NCBP3: variants seen among roughly 807,000 people sequenced by gnomAD.
NCBP3 encodes the protein nuclear cap-binding protein subunit 3.
Under a neutral mutation model 75.7 loss-of-function variants are expected in NCBP3, and 20 were observed. The observed-to-expected ratio is 0.26, with a 90% CI of 0.19 to 0.38. NCBP3 has a LOEUF of 0.38. NCBP3 is among the 10% of genes least tolerant of loss of function. The probability of loss-of-function intolerance (pLI) is 1.00; values close to 1 mark genes in which losing one functional copy is unlikely to be tolerated. For synonymous variants in NCBP3, 293 were observed against 290.5 expected (o/e 1.01, Z -0.09); for missense variants, 678 against 796.9 (o/e 0.85, Z 1.80).
intron 3 of NCBP3, among the ~76,000 whole-genome samples, chr17:3,835,337 G>A (rs1009135942): frequency 6.6e-6 from 1 of 152,254 alleles, no homozygotes; most frequent in Non-Finnish European, 1.5e-5. Flanking sequence ...GGCTGAGACA[G>A]AGACAACGGT....
At chr17:3,835,564 C>T (rs571992675) in intron 3 of NCBP3, among the ~76,000 whole-genome samples, 18 of 152,370 alleles carry the variant, frequency 1.2e-4, no homozygotes, top group Non-Finnish European at 1.3e-4. Context: ...CAGTAACTGA[C>T]GGACAGAAAT....
intron 2 of NCBP3, among the ~76,000 whole-genome samples, chr17:3,840,471 T>G (rs1437603094): frequency 2.6e-5 from 4 of 152,244 alleles, no homozygotes; most frequent in Non-Finnish European, 2.9e-5. Flanking sequence ...GAGTATCTGC[T>G]GACTGAATGA....
intron 3 of NCBP3, among the ~76,000 whole-genome samples, chr17:3,830,932 A>T (rs183382): frequency 0.013 from 1,795 of 136,782 alleles, 40 homozygotes; most frequent in African/African-American, 0.047. Flanking sequence ...TTTTTTTGAG[A>T]TGGAGTTTCA....
intron 1 of NCBP3, among the ~76,000 whole-genome samples, chr17:3,845,817 A>AC (rs2054154142): frequency 6.7e-6 from 1 of 148,448 alleles, no homozygotes; most frequent in Non-Finnish European, 1.5e-5. Flanking sequence ...CTCCGCCACC[A>AC]CCCCCCAGCC....
intron 3 of NCBP3, among the ~76,000 whole-genome samples, chr17:3,836,654 C>T: frequency 1.1e-5 from 1 of 90,286 alleles, no homozygotes; most frequent in Non-Finnish European, 2.2e-5. Flanking sequence ...CTCCGTCTCT[C>T]AAAAAAAAAA....
chr17:3,813,606 C>A (rs1003797055), intron 12 of NCBP3, among the ~76,000 whole-genome samples: 3 of 152,230 alleles, frequency 2.0e-5, no homozygotes, highest in Non-Finnish European at 4.4e-5. Flanking sequence ...ACCCTGTGTG[C>A]CAATCCATTC....
At chr17:3,837,612 T>C (rs921178057) in intron 3 of NCBP3, among the ~76,000 whole-genome samples, 11 of 150,806 alleles carry the variant, frequency 7.3e-5, no homozygotes, top group African/African-American at 2.7e-4. Context: ...CATGCACCTG[T>C]AGTCCCAGCT....
Position 3,811,276 on chromosome 17 carries a change from C to A in NCBP3, c.*1768G>T, listed in dbSNP as rs1029568021. The A allele has an allele frequency of 7.2e-5, 11 of 152,276 alleles. No individual in the cohort carries two copies. The highest frequency in any genetic ancestry group is 2.4e-4 in the African/African-American group (10 of 41,448). 9.4% of individuals were successfully genotyped at this position (152,276 alleles called of 1,614,324 possible). ...GGTGTCCGATTCTCAGGCCCCCGCA[C>A]TCCTCACTCTACCAACTCCCCAAAC... On this transcript the variant is annotated 3_prime_UTR_variant, in exon 13 of 13. Coordinates refer to ENST00000389005, the MANE Select transcript of NCBP3 (RefSeq NM_001114118.3).
At position 3,846,174 on chromosome 17, in the gene NCBP3, G is replaced by T. The variant is rs555993250; in HGVS notation, c.50C>A (p.Ala17Glu). Residue 17 changes from alanine (A) to glutamate (E), a missense_variant, in exon 1 of 13, where the codon GCG becomes GAG. By Grantham distance (107) the Ala-to-Glu change is moderately radical. Around this residue, in one of 7 missense-constraint regions of NCBP3, gnomAD observed 76 missense variants for 53.8 expected, o/e 1.41. Coordinates refer to ENST00000389005, the MANE Select transcript of NCBP3 (RefSeq NM_001114118.3). The surrounding 1 kb of genome is among the most constrained non-coding windows in gnomAD (Gnocchi z 4.6). ...LRVSVKAEAP[A>E]GPALGLPSPE... is the part of the protein sequence containing the mutation. ...GGACGGGAGCCCCAGGGCCGGCCCCGCCGGGGCCTCCGCCTTCACCGACAC... is the reference window on the plus strand; with the variant it reads ...GGACGGGAGCCCCAGGGCCGGCCCCTCCGGGGCCTCCGCCTTCACCGACAC... 4 of 1,521,898 alleles carry T rather than the reference G, an allele frequency of 2.6e-6. No homozygotes were observed. The highest frequency in any genetic ancestry group is 3.5e-6 in the Non-Finnish European group (4 of 1,135,330). The allele number at this position is 1,521,898 out of a possible 1,614,324, so 94.3% of individuals were successfully genotyped here. A position where few individuals can be genotyped will look rare whatever the true frequency, so the allele number is the denominator to read the frequency against.
chr17:3,835,814 C>T (rs571623742), intron 3 of NCBP3, among the ~76,000 whole-genome samples: 4 of 152,346 alleles, frequency 2.6e-5, no homozygotes, highest in Non-Finnish European at 5.9e-5. Flanking sequence ...GACACTGAAT[C>T]GTTCAAATGT....
chr17:3,832,137 T>C lies in NCBP3; in HGVS notation c.356-2769A>G, dbSNP rs143542030. 8.6e-3 allele frequency among the ~76,000 whole-genome samples: 942 copies of C among 109,706 alleles called. 62 individuals are homozygous for C. Among genetic ancestry groups the C allele is most frequent in the African/African-American group, 0.024 (908 of 37,412 alleles). The allele number at this position is 109,706 out of a possible 152,430, so 72.0% of individuals were successfully genotyped here. On this transcript the variant is annotated intron_variant, in intron 3 of 12. Transcript: ENST00000389005. ...AGGCAGAGGTTGCAGTAAGCCGAGATTGTGCCATTGCACTCCAGACTGGGC... is the reference window on the plus strand; with the variant it reads ...AGGCAGAGGTTGCAGTAAGCCGAGACTGTGCCATTGCACTCCAGACTGGGC...
chr17:3,831,474 G>A (rs542925562), intron 3 of NCBP3, among the ~76,000 whole-genome samples: 38 of 148,858 alleles, frequency 2.6e-4, no homozygotes, highest in African/African-American at 9.0e-4. Flanking sequence ...TTGGGAGGCC[G>A]AGGCAGGAGA....
At chr17:3,833,438 T>C (rs1351303743) in intron 3 of NCBP3, among the ~76,000 whole-genome samples, 1 of 152,132 alleles carries the variant, frequency 6.6e-6, no homozygotes, top group African/African-American at 2.4e-5. Context: ...TTGTTCTTTG[T>C]ATCTTTACCT....
In NCBP3 at chr17:3,818,901, G is replaced by A. The variant is rs2053606251; in HGVS notation, c.1001-329C>T. Among the ~76,000 whole-genome samples the A allele has an allele frequency of 6.6e-6, 1 of 152,144 alleles. No homozygotes were observed. Among genetic ancestry groups the A allele is most frequent in the African/African-American group, 2.4e-5 (1 of 41,430 alleles). Reference sequence around the variant, plus strand: ...ACGTGCAATGCTTCCATGGTCATTTGCTGGCACGCACAGAGTGGCAAAAAA... The same window carrying A: ...ACGTGCAATGCTTCCATGGTCATTTACTGGCACGCACAGAGTGGCAAAAAA... On this transcript the variant is annotated intron_variant, in intron 9 of 12. Coordinates refer to ENST00000389005, the MANE Select transcript of NCBP3 (RefSeq NM_001114118.3). This position sits in a 1 kb window ranked among gnomAD's most constrained non-coding sequence, Gnocchi z 4.7.
At chr17:3,832,435 C>T (rs1382708872) in intron 3 of NCBP3, among the ~76,000 whole-genome samples, 6 of 117,768 alleles carry the variant, frequency 5.1e-5, no homozygotes, top group African/African-American at 1.5e-4. Context: ...TCGAGACCAT[C>T]CTGGCCAACA....
At position 3,807,739 on chromosome 17, in the gene NCBP3, C is replaced by T. The variant is rs2053351878; in HGVS notation, c.*5305G>A. On this transcript the variant is annotated 3_prime_UTR_variant, in exon 13 of 13. Coordinates refer to ENST00000389005, the MANE Select transcript of NCBP3 (RefSeq NM_001114118.3). ...GCCCCAGAGCCTCAGAGGATGGAGCCACTCCTGAGGCTGGAGGGTTTACAA... is the reference window on the plus strand; with the variant it reads ...GCCCCAGAGCCTCAGAGGATGGAGCTACTCCTGAGGCTGGAGGGTTTACAA... The T allele has an allele frequency of 6.6e-6, 1 of 152,174 alleles. No homozygotes were observed. Among genetic ancestry groups the T allele is most frequent in the Admixed American group, 6.5e-5 (1 of 15,282 alleles). The allele number at this position is 152,174 out of a possible 1,614,324, so 9.4% of individuals were successfully genotyped here.
chr17:3,837,605 GCA>G (rs1257125838), intron 3 of NCBP3, among the ~76,000 whole-genome samples: 8 of 151,464 alleles, frequency 5.3e-5, no homozygotes, highest in Non-Finnish European at 8.8e-5. Context: ...GTGGTGGCAT[GCA>G]CCTGTAGTCC....
intron 2 of NCBP3, 71 bp from the exon 3 acceptor site, chr17:3,840,276 T>A (rs997408608): frequency 8.1e-7 from 1 of 1,238,704 alleles, no homozygotes; most frequent in East Asian, 2.5e-5. Context: ...TGCATCATGA[T>A]GCATCAGTGA....
chr17:3,832,928 G>T (rs936032074), intron 3 of NCBP3, among the ~76,000 whole-genome samples: 7 of 152,108 alleles, frequency 4.6e-5, no homozygotes, highest in Admixed American at 1.3e-4. Flanking sequence ...TGACATCCCA[G>T]ATTTAAAAAG....
Sources: allele counts gnomAD v4.1 joint callset (sites outside exome capture counted in the v4.1 genomes callset), GRCh38; gene constraint gnomAD v4.1.1; regional missense constraint gnomAD v4.1.1; non-coding constraint Gnocchi (gnomAD v3.1); transcripts MANE v1.5; gene names NCBI Gene and HGNC (gene_info 2026-07-23, HGNC 2026-07-21).